Variants in DCAF8L2 observed in about 807,000 individuals in gnomAD.
DCAF8L2 encodes the protein DDB1 and CUL4 associated factor 8 like 2.
For synonymous variants in DCAF8L2, 200 were observed against 190.9 expected (o/e 1.05, Z -0.39); for missense variants, 430 against 490.7 (o/e 0.88, Z 1.17).
chrX:27,575,334 G>T, the DCAF8L2 span, among the ~76,000 whole-genome samples: 15 of 111,603 alleles, frequency 1.3e-4, no homozygotes, highest in Non-Finnish European at 5.6e-5. Context: ...CTAGGGTCTC[G>T]GGTTTTTACA....
the DCAF8L2 span, among the ~76,000 whole-genome samples, chrX:27,509,803 G>T: frequency 9.0e-6 from 1 of 111,239 alleles, no homozygotes; most frequent in Non-Finnish European, 1.9e-5. Flanking sequence ...AAAAGAGATT[G>T]TACAATAAAA....
intron 4 of DCAF8L2, among the ~76,000 whole-genome samples, chrX:27,746,405 A>G (rs1042387281): frequency 8.9e-6 from 1 of 112,226 alleles, no homozygotes; most frequent in Non-Finnish European, 1.9e-5. Flanking sequence ...GTCACTAGCT[A>G]TGGGACACTT....
At chrX:27,746,131 C>G (rs984753570) in intron 4 of DCAF8L2, among the ~76,000 whole-genome samples, 1 of 111,673 alleles carries the variant, frequency 9.0e-6, no homozygotes, top group Non-Finnish European at 1.9e-5. Flanking sequence ...ACTAAAGGAG[C>G]CTGCCAGATT....
chrX:27,654,399 T>C (rs755186123), intron 2 of DCAF8L2, among the ~76,000 whole-genome samples: 7 of 112,415 alleles, frequency 6.2e-5, no homozygotes, highest in African/African-American at 2.3e-4. Context: ...TTTTTATAGA[T>C]AGAGAGGAAT....
the DCAF8L2 span, among the ~76,000 whole-genome samples, chrX:27,576,524 A>T: frequency 8.9e-6 from 1 of 112,137 alleles, no homozygotes; most frequent in Admixed American, 9.5e-5. Flanking sequence ...TAAAAAGGAA[A>T]ACATTATCTC....
chrX:27,696,268 G>GAGAAAGAAAGAAAGAA (rs565370286), intron 3 of DCAF8L2, among the ~76,000 whole-genome samples: 9 of 74,854 alleles, frequency 1.2e-4, no homozygotes, highest in East Asian at 4.4e-4. Context: ...AAGAGAGAGA[G>GAGAAAGAAAGAAAGAA]AGAAAGAAAG....
At chrX:27,497,509 T>TTTCCTTCCTTCCTTCCTTCC in the DCAF8L2 span, among the ~76,000 whole-genome samples, 14 of 46,500 alleles carry the variant, frequency 3.0e-4, no homozygotes, top group South Asian at 1.4e-3. Flanking sequence ...TCTTTCTTTC[T>TTTCCTTCCTTCCTTCCTTCC]TTCCTTCCTT....
At chrX:27,689,531 C>T (rs901011055) in intron 3 of DCAF8L2, among the ~76,000 whole-genome samples, 4 of 112,808 alleles carry the variant, frequency 3.5e-5, no homozygotes, top group African/African-American at 9.7e-5. Flanking sequence ...AGGCGTGAGC[C>T]ACCGCACCCA....
chrX:27,577,841 A>G, the DCAF8L2 span, among the ~76,000 whole-genome samples: 169 of 111,789 alleles, frequency 1.5e-3, no homozygotes, highest in African/African-American at 5.0e-3. Context: ...ACAGCTAACA[A>G]GGGAAGCAAA....
the DCAF8L2 span, among the ~76,000 whole-genome samples, chrX:27,503,590 A>G: frequency 9.0e-6 from 1 of 111,191 alleles, no homozygotes; most frequent in South Asian, 3.8e-4. Flanking sequence ...CAAAAAAAAA[A>G]TCAATTGGAC....
At chrX:27,532,258 G>A in the DCAF8L2 span, among the ~76,000 whole-genome samples, 1 of 110,578 alleles carries the variant, frequency 9.0e-6, no homozygotes, top group Non-Finnish European at 1.9e-5. Flanking sequence ...GGCTGGAACT[G>A]GGAAAGTATA....
At chrX:27,555,089 C>A in the DCAF8L2 span, among the ~76,000 whole-genome samples, 1 of 111,498 alleles carries the variant, frequency 9.0e-6, no homozygotes, top group African/African-American at 3.3e-5. Context: ...GCAGGGGTAA[C>A]CTTGAAAGAT....
chrX:27,587,812 C>A (rs1228280940), upstream of DCAF8L2, among the ~76,000 whole-genome samples: 3 of 109,154 alleles, frequency 2.7e-5, no homozygotes, highest in Non-Finnish European at 3.8e-5. Flanking sequence ...TTACTAAGGG[C>A]AGTGGATAAA....
chrX:27,545,949 A>G, the DCAF8L2 span, among the ~76,000 whole-genome samples: 7 of 111,946 alleles, frequency 6.3e-5, no homozygotes, highest in East Asian at 1.7e-3. Flanking sequence ...TTCAAATTTC[A>G]AAACCAATCA....
At chrX:27,695,520 G>A (rs1007649637) in intron 3 of DCAF8L2, among the ~76,000 whole-genome samples, 2 of 111,388 alleles carry the variant, frequency 1.8e-5, no homozygotes, top group African/African-American at 3.3e-5. Flanking sequence ...TCATTACATG[G>A]GTATCTTTGA....
At chrX:27,736,366 G>A (rs775909838) in intron 4 of DCAF8L2, among the ~76,000 whole-genome samples, 2 of 111,717 alleles carry the variant, frequency 1.8e-5, no homozygotes, top group East Asian at 5.6e-4. Flanking sequence ...TAGCCACTTA[G>A]TTGGTTCTTT....
chrX:27,698,016 T>TG (rs1289777476), intron 3 of DCAF8L2, among the ~76,000 whole-genome samples: 2 of 109,822 alleles, frequency 1.8e-5, no homozygotes, highest in Admixed American at 9.6e-5. Flanking sequence ...GAATTTAAAA[T>TG]TTTTTTTATT....
the DCAF8L2 span, among the ~76,000 whole-genome samples, chrX:27,496,531 T>A: frequency 8.9e-6 from 1 of 111,827 alleles, no homozygotes; most frequent in African/African-American, 3.3e-5. Flanking sequence ...CTTCTTTCGC[T>A]TGCATGTGTT....
chrX:27,607,168 A>G (rs777618365), intron 1 of DCAF8L2, among the ~76,000 whole-genome samples: 4 of 112,125 alleles, frequency 3.6e-5, no homozygotes, highest in Non-Finnish European at 5.6e-5. Flanking sequence ...TTTATAAATT[A>G]TAACAAAATA....
Sources: allele counts gnomAD v4.1 joint callset (sites outside exome capture counted in the v4.1 genomes callset), GRCh38; gene constraint gnomAD v4.1.1; transcripts MANE v1.5; gene names NCBI Gene and HGNC (gene_info 2026-07-23, HGNC 2026-07-21).